PRDM7: variants seen among roughly 807,000 people sequenced by gnomAD.
PRDM7 encodes PR/SET domain 7.
PRDM7 carries 52 observed loss-of-function variants against 64.3 expected under a neutral mutation model. That is an observed-to-expected ratio of 0.81 (90% CI 0.65 to 1.02). The LOEUF (loss-of-function observed/expected upper bound fraction) is 1.02. PRDM7 is among the 50% of genes least tolerant of loss of function. The probability of loss-of-function intolerance (pLI) is 0.00; values close to 1 mark genes in which losing one functional copy is unlikely to be tolerated. For synonymous variants in PRDM7, 192 were observed against 210.1 expected, an observed-to-expected ratio of 0.91 and a Z score of 0.74; for missense variants, 574 against 597.1, an observed-to-expected ratio of 0.96 and a Z score of 0.40.
At chr16:90,074,839 A>G (rs1597694813) in intron 4 of PRDM7, 77 bp downstream of exon 4, 1 of 1,448,706 alleles carries the variant, frequency 6.9e-7, no homozygotes, top group Non-Finnish European at 9.6e-7. Flanking sequence ...AGATCACGCC[A>G]TTGCACTCCA....
Position 90,058,278 on chromosome 16 carries a change from T to C in PRDM7, c.*11A>G, listed in dbSNP as rs1484758010. The C allele has an allele frequency of 1.9e-6, 3 of 1,614,102 alleles. No individual in the cohort carries two copies. The highest frequency in any genetic ancestry group is 1.3e-5 in the African/African-American group (1 of 74,948). ...AGGCCCTTGAAATCTCCCTCTGCCA[T>C]GTCCTTTTATTCAAGAGTTTGGACC... On this transcript the variant is annotated 3_prime_UTR_variant, in exon 11 of 11. Transcript: ENST00000449207.
rs891701256 is a variant in PRDM7 at position 90,070,061 on chromosome 16, A to G, written c.302-3151T>C. 1.3e-3 allele frequency: 195 copies of G among 154,754 alleles called. 3 individuals are homozygous for G. Among genetic ancestry groups the G allele is most frequent in the Non-Finnish European group, 2.4e-3 (166 of 69,736 alleles). The allele number at this position is 154,754 out of a possible 1,614,324, so 9.6% of individuals were successfully genotyped here. A position where few individuals can be genotyped will look rare whatever the true frequency, so the allele number is the denominator to read the frequency against. ...CAAGAGCGAAACTCTGTCTGAAAAAAAAAAACAAAAAACAAAAAAACGAAG... is the reference window on the plus strand; with the variant it reads ...CAAGAGCGAAACTCTGTCTGAAAAAGAAAAACAAAAAACAAAAAAACGAAG... On this transcript the variant is annotated intron_variant, in intron 4 of 10. Transcript: ENST00000449207.
In PRDM7 at chr16:90,057,907, C is replaced by G; in HGVS notation, c.*382G>C. 1.9e-6 allele frequency: 3 copies of G among 1,563,070 alleles called. No homozygotes were observed. Among genetic ancestry groups the G allele is most frequent in the Non-Finnish European group, 2.6e-6 (3 of 1,146,262 alleles). ...TCTGGTGAATGAGGAGGACTGACTT[C>G]CGGCTAAAGCCCCGCTCACACTCTC... On this transcript the variant is annotated 3_prime_UTR_variant, in exon 11 of 11. Coordinates refer to ENST00000449207, the MANE Select transcript of PRDM7 (RefSeq NM_001098173.2).
At chr16:90,060,277 A>T in intron 10 of PRDM7, 64 bp downstream of exon 10, 1 of 1,612,670 alleles carries the variant, frequency 6.2e-7, no homozygotes, top group African/African-American at 1.3e-5. Flanking sequence ...GAGTTCAATC[A>T]TGAAAATTCT....
intron 5 of PRDM7, 131 bp downstream of exon 5, chr16:90,066,730 C>G: frequency 1.3e-6 from 1 of 753,040 alleles, no homozygotes; most frequent in South Asian, 1.5e-5. Context: ...ATGATGATGG[C>G]AGACACTGCG....
At chr16:90,070,277 A>C (rs2037936911) in intron 4 of PRDM7, among the ~76,000 whole-genome samples, 1 of 150,716 alleles carries the variant, frequency 6.6e-6, no homozygotes, top group Admixed American at 6.6e-5. Context: ...TGATGTCATG[A>C]GGGTGGGACC....
chr16:90,076,117 C>A, intron 1 of PRDM7, 122 bp from the exon 2 acceptor site: 1 of 616,234 alleles, frequency 1.6e-6, no homozygotes, highest in Non-Finnish European at 2.8e-6. Context: ...GGTGAGGTCT[C>A]GAGCACCCCA....
At position 90,063,701 on chromosome 16, in the gene PRDM7, A is replaced by G. The variant is rs192936347; in HGVS notation, c.419T>C (p.Leu140Pro). 2.7e-4 allele frequency: 434 copies of G among 1,614,224 alleles called. 1 individual carries two copies. Among genetic ancestry groups the G allele is most frequent in the Non-Finnish European group, 2.2e-4 (260 of 1,180,016 alleles). The change falls in exon 6 of 11, where the codon CTG (leucine) becomes CCG (proline). Residue 140 changes from leucine to proline, a missense_variant. Leu to Pro is a moderately conservative substitution (Grantham distance 98, BLOSUM62 -3). Transcript: ENST00000449207. ...LRELSGTPNL[L>P]NTSDSEQAQK... ...AGCCTGCTCTGAGTCACTTGTATTC[A>G]GTAAATTTGGCGTTCCTGACAATTC... is the stretch of plus-strand genomic sequence containing the variant.
In PRDM7 at chr16:90,074,979, C is replaced by G. The variant is rs762058087; in HGVS notation, c.238G>C (p.Ala80Pro). ...RPAFMCHRRQ[A>P]IKLQVDDTED... ...GTGTCATCCACCTGGAGTTTGATGG[C>G]CTGCCTTCGGTGACACATGAAAGCT... The change falls in exon 4 of 11, where the codon GCC becomes CCC. Residue 80 changes from alanine (A) to proline (P), a missense_variant. Ala to Pro is a conservative substitution (Grantham distance 27). Transcript: ENST00000449207. 1.5e-5 allele frequency: 24 copies of G among 1,614,056 alleles called. No homozygotes were observed. In the South Asian group the frequency reaches 2.6e-4, roughly 18 times the overall value.
intron 4 of PRDM7, among the ~76,000 whole-genome samples, chr16:90,071,129 T>C (rs1209688487): frequency 2.0e-5 from 3 of 152,158 alleles, no homozygotes; most frequent in Admixed American, 6.5e-5. Context: ...GTGGGAAATT[T>C]ATGTGTTTGT....
In PRDM7 at chr16:90,077,326, G is replaced by C. The variant is rs1247621193; in HGVS notation, c.-186C>G. On this transcript the variant is annotated 5_prime_UTR_variant, in exon 1 of 11. Transcript: ENST00000449207. ...CCTGGCCGGGCGTCTTCTCGGAGCC[G>C]CTCAGGAGGTGAGACGCGGTGGGTG... The C allele has an allele frequency of 6.6e-6, 1 of 152,246 alleles. No homozygotes were observed. The highest frequency in any genetic ancestry group is 1.5e-5 in the Non-Finnish European group (1 of 68,062). The allele number at this position is 152,246 out of a possible 1,614,324, so 9.4% of individuals were successfully genotyped here.
At chr16:90,059,739 C>T (rs2037739940) in intron 10 of PRDM7, among the ~76,000 whole-genome samples, 1 of 152,228 alleles carries the variant, frequency 6.6e-6, no homozygotes. Flanking sequence ...TCACACCGAT[C>T]CCAGGTCTCA....
intron 9 of PRDM7, among the ~76,000 whole-genome samples, 168 bp downstream of exon 9, chr16:90,061,284 T>G (rs534343033): frequency 6.6e-6 from 1 of 152,312 alleles, no homozygotes; most frequent in African/African-American, 2.4e-5. Flanking sequence ...AATATCTATA[T>G]TTTTATTTTT....
At chr16:90,072,999 C>A (rs1216906708) in intron 4 of PRDM7, among the ~76,000 whole-genome samples, 2 of 152,104 alleles carry the variant, frequency 1.3e-5, no homozygotes, top group Non-Finnish European at 2.9e-5. Flanking sequence ...GTTTTTACTT[C>A]TAAACTCTCC....
chr16:90,075,846 G>A lies in PRDM7; in HGVS notation c.65C>T (p.Pro22Leu). ...TTCGCCTCCCCGACTTCTCACCATGGGCTTCCGCTCTGTTCTCTCTGTGTC... is the reference window on the plus strand; with the variant it reads ...TTCGCCTCCCCGACTTCTCACCATGAGCTTCCGCTCTGTTCTCTCTGTGTC... Reference protein sequence around the residue: ...EGDTERTERKPMVKDAFKDIS... With the variant: ...EGDTERTERKLMVKDAFKDIS... Residue 22 changes from proline to leucine, a missense_variant, in exon 2 of 11, where the codon CCC becomes CTC. Coordinates refer to ENST00000449207, the MANE Select transcript of PRDM7 (RefSeq NM_001098173.2). The surrounding 1 kb of genome is among the most constrained non-coding windows in gnomAD (Gnocchi z 4.3). The A allele has an allele frequency of 6.2e-7, 1 of 1,613,860 alleles. No individual in the cohort carries two copies. The highest frequency in any genetic ancestry group is 8.5e-7 in the Non-Finnish European group (1 of 1,179,916).
At chr16:90,062,374 G>A (rs2037795811) in intron 7 of PRDM7, 27 bp downstream of exon 7, 3 of 1,613,350 alleles carry the variant, frequency 1.9e-6, no homozygotes, top group South Asian at 1.1e-5. Flanking sequence ...ACAGCAAGCT[G>A]TGTGAGTGGC....
At position 90,061,539 on chromosome 16, in the gene PRDM7, G is replaced by T. The variant is rs188624903; in HGVS notation, c.883-20C>A. 6.4e-7 allele frequency: 1 copy of T among 1,571,268 alleles called. No homozygotes were observed. Among genetic ancestry groups the T allele is most frequent in the African/African-American group, 1.4e-5 (1 of 73,996 alleles). On this transcript the variant is annotated intron_variant, in intron 8 of 10. Transcript: ENST00000449207. ...GGTGATCTGAGTTTCAAAAAATAAG[G>T]TAAAGACTTTTTAGAGGGTAAAAAT...
chr16:90,061,455 A>T lies in PRDM7; in HGVS notation c.947T>A (p.Met316Lys). 1 of 1,597,624 alleles carries T rather than the reference A, an allele frequency of 6.3e-7. No homozygotes were observed. Among genetic ancestry groups the T allele is most frequent in the Non-Finnish European group, 8.6e-7 (1 of 1,164,852 alleles). Residue 316 changes from methionine to lysine, a missense_variant, in exon 9 of 11, where the codon ATG (methionine) becomes AAG (lysine). Transcript: ENST00000449207. ...DGKDKSSANW[M>K]RYVNCARDDE... ...CTAAGAGACCTAGTGGCCTTACCTCATCCAGTTGGCCGAGGATTTATCTTT... is the reference window on the plus strand; with the variant it reads ...CTAAGAGACCTAGTGGCCTTACCTCTTCCAGTTGGCCGAGGATTTATCTTT...
At chr16:90,058,665 TG>T in intron 10 of PRDM7, 131 bp from the exon 11 acceptor site, 1 of 1,108,144 alleles carries the variant, frequency 9.0e-7, no homozygotes, top group South Asian at 1.3e-5. Flanking sequence ...CACCAAGTGC[TG>T]GATGGACCTT....
Sources: allele counts gnomAD v4.1 joint callset (sites outside exome capture counted in the v4.1 genomes callset), GRCh38; gene constraint gnomAD v4.1.1; non-coding constraint Gnocchi (gnomAD v3.1); transcripts MANE v1.5; gene names NCBI Gene and HGNC (gene_info 2026-07-23, HGNC 2026-07-21).